Variants in NREP observed in about 807,000 individuals in gnomAD.
NREP encodes the protein neuronal regeneration-related protein.
NREP carries 5 observed loss-of-function variants against 8.6 expected under a neutral mutation model. The observed-to-expected ratio is 0.58, with a 90% CI of 0.30 to 1.22. The LOEUF (loss-of-function observed/expected upper bound fraction) is 1.22, where lower values mean the gene tolerates loss of function less well. Ranked by LOEUF, NREP falls within the 50% of genes most tolerant of loss-of-function variation. The probability of loss-of-function intolerance (pLI) is 0.07; values close to 1 mark genes in which losing one functional copy is unlikely to be tolerated. For synonymous variants in NREP, 27 were observed against 28.0 expected, an observed-to-expected ratio of 0.96 and a Z score of 0.11; for missense variants, 86 against 82.5, an observed-to-expected ratio of 1.04 and a Z score of -0.17.
chr5:111,765,816 A>G (rs1751068951), intron 2 of NREP, among the ~76,000 whole-genome samples: 1 of 152,026 alleles, frequency 6.6e-6, no homozygotes, highest in African/African-American at 2.4e-5. Flanking sequence ...TTGCTGACTC[A>G]TCTTCATTTT....
chr5:111,943,131 C>G (rs1755878921), intron 2 of NREP, among the ~76,000 whole-genome samples: 2 of 152,032 alleles, frequency 1.3e-5, no homozygotes, highest in African/African-American at 2.4e-5. Flanking sequence ...ACTGGCTCCT[C>G]TTTTGCATCT....
chr5:111,797,275 C>CA (rs1751895347), intron 2 of NREP, among the ~76,000 whole-genome samples: 2 of 152,284 alleles, frequency 1.3e-5, no homozygotes, highest in Admixed American at 6.5e-5. Context: ...TAAAAGCTTA[C>CA]AGCTTGTCCT....
intron 2 of NREP, among the ~76,000 whole-genome samples, chr5:111,860,690 C>T (rs966379658): frequency 6.6e-6 from 1 of 152,114 alleles, no homozygotes; most frequent in Non-Finnish European, 1.5e-5. Context: ...TCCTATTTGT[C>T]ACCTGACATA....
intron 3 of NREP, chr5:111,734,550 G>A (rs1748925812): frequency 2.2e-6 from 1 of 448,490 alleles, no homozygotes; most frequent in Non-Finnish European, 4.0e-6. Context: ...ACTGCCAGTT[G>A]ATACAACCTC....
At chr5:111,837,990 T>C (rs913481380) in intron 2 of NREP, among the ~76,000 whole-genome samples, 1 of 152,036 alleles carries the variant, frequency 6.6e-6, no homozygotes, top group African/African-American at 2.4e-5. Context: ...ATTAAACCTT[T>C]AGAGTCTATT....
At chr5:111,908,809 G>T (rs977373254) in intron 2 of NREP, among the ~76,000 whole-genome samples, 12 of 151,930 alleles carry the variant, frequency 7.9e-5, no homozygotes, top group African/African-American at 2.9e-4. Context: ...GAATTGCTAG[G>T]TCAAATGGTA....
chr5:111,935,409 G>A (rs1263686904), intron 2 of NREP, among the ~76,000 whole-genome samples: 1 of 152,058 alleles, frequency 6.6e-6, no homozygotes, highest in African/African-American at 2.4e-5. Context: ...GAACAACAGA[G>A]ACCAAGGACT....
At position 111,755,831 on chromosome 5, in the gene NREP, C is replaced by T; in HGVS notation, c.-58-1G>A. The T allele has an allele frequency of 3.1e-6, 5 of 1,613,682 alleles. No homozygotes were observed. Among genetic ancestry groups the T allele is most frequent in the Non-Finnish European group, 4.2e-6 (5 of 1,179,676 alleles). ...CTCTCTTCAGTCCAGGGAGACCAAC[C>T]TGCAAAATATGTTTAAATACAGTAG... On this transcript the variant is annotated splice_acceptor_variant, in intron 1 of 3. Coordinates refer to ENST00000257435, the MANE Select transcript of NREP (RefSeq NM_004772.4). LOFTEE classifies it low-confidence loss of function (5UTR_SPLICE).
chr5:111,924,928 C>T (rs930456561), intron 2 of NREP, among the ~76,000 whole-genome samples: 8 of 152,012 alleles, frequency 5.3e-5, no homozygotes, highest in Non-Finnish European at 7.4e-5. Flanking sequence ...AATGTCTCCA[C>T]GTAATAAGGG....
intron 2 of NREP, among the ~76,000 whole-genome samples, chr5:111,743,655 C>T (rs1448543197): frequency 1.3e-5 from 2 of 152,116 alleles, no homozygotes; most frequent in Non-Finnish European, 2.9e-5. Context: ...TTATTCACCA[C>T]AATTGAGAGT....
intron 2 of NREP, among the ~76,000 whole-genome samples, chr5:111,833,368 C>T (rs188935538): frequency 2.0e-5 from 3 of 152,306 alleles, no homozygotes; most frequent in East Asian, 3.9e-4. Flanking sequence ...ACTACTTTAG[C>T]GCCAAAAGGC....
intron 2 of NREP, among the ~76,000 whole-genome samples, chr5:111,917,572 T>C (rs12520308): frequency 0.61 from 93,129 of 152,054 alleles, 29,000 homozygotes; most frequent in Non-Finnish European, 0.66. Flanking sequence ...AATCAATAAA[T>C]GTAATCCATC....
intron 2 of NREP, among the ~76,000 whole-genome samples, chr5:111,927,935 C>T (rs1465507978): frequency 6.6e-6 from 1 of 152,098 alleles, no homozygotes; most frequent in East Asian, 1.9e-4. Context: ...TTTTGGTTTA[C>T]AATAGGATGG....
intron 2 of NREP, among the ~76,000 whole-genome samples, chr5:111,835,133 T>C (rs1024692922): frequency 1.3e-5 from 2 of 152,172 alleles, no homozygotes; most frequent in African/African-American, 4.8e-5. Flanking sequence ...AGTTAGTTGA[T>C]TTCCTATTCA....
upstream of NREP, chr5:111,757,796 C>T: frequency 2.1e-6 from 2 of 972,222 alleles, no homozygotes; most frequent in Admixed American, 6.1e-5. Flanking sequence ...CTCTCCGCCT[C>T]GACGTGCGGT....
At chr5:111,941,511 T>C (rs1368236088) in intron 2 of NREP, among the ~76,000 whole-genome samples, 2 of 152,120 alleles carry the variant, frequency 1.3e-5, no homozygotes, top group East Asian at 3.9e-4. Flanking sequence ...TGTCCTCCTC[T>C]GCGCACTGTA....
At chr5:111,834,067 A>T (rs1752837151) in intron 2 of NREP, among the ~76,000 whole-genome samples, 1 of 152,142 alleles carries the variant, frequency 6.6e-6, no homozygotes, top group Admixed American at 6.6e-5. Context: ...TGCAGATGTC[A>T]CCTGACTTTT....
chr5:111,970,767 A>G (rs1284037798), intron 2 of NREP, among the ~76,000 whole-genome samples: 1 of 137,148 alleles, frequency 7.3e-6, no homozygotes, highest in African/African-American at 2.7e-5. Flanking sequence ...CGGAGGTTGC[A>G]GTGAGTCGAA....
intron 2 of NREP, among the ~76,000 whole-genome samples, chr5:111,955,496 C>G: frequency 7.1e-6 from 1 of 141,040 alleles, no homozygotes; most frequent in South Asian, 2.3e-4. Context: ...AAACAAAAAA[C>G]AAAAAAAAAA....
Sources: gnomAD v4.1 joint callset for allele counts (sites outside exome capture counted in the v4.1 genomes callset) on GRCh38, gnomAD v4.1.1 for gene constraint, MANE v1.5 for transcripts, NCBI Gene and HGNC (gene_info 2026-07-23, HGNC 2026-07-21) for gene names.